The following RYR2 variants were observed in gnomAD, a reference collection of about 807,000 sequenced individuals.
The protein encoded by RYR2 is ryanodine receptor 2.
In RYR2, 227 loss-of-function variants were observed where a neutral mutation model predicts 601.1. That is an observed-to-expected ratio of 0.38 (90% CI 0.34 to 0.42). The LOEUF (loss-of-function observed/expected upper bound fraction) is 0.42. Ranked by LOEUF, RYR2 falls within the 10% of genes least tolerant of loss-of-function variation. The probability of loss-of-function intolerance (pLI) is 1.00; values close to 1 mark genes in which losing one functional copy is unlikely to be tolerated. For missense variants in RYR2, 4,646 were observed against 6,156.5 expected, an observed-to-expected ratio of 0.75 and a Z score of 8.21; for synonymous variants, 2,223 against 2,175.1, an observed-to-expected ratio of 1.02 and a Z score of -0.61.
intron 1 of RYR2, among the ~76,000 whole-genome samples, chr1:237,206,846 C>T (rs1048929244): frequency 6.6e-6 from 1 of 152,188 alleles, no homozygotes; most frequent in Non-Finnish European, 1.5e-5. Flanking sequence ...ATTGAAAAGA[C>T]TACTGATAAT....
chr1:237,442,786 A>G (rs906573632), intron 13 of RYR2, among the ~76,000 whole-genome samples: 2 of 152,098 alleles, frequency 1.3e-5, no homozygotes, highest in African/African-American at 2.4e-5. Context: ...GGTAATTCCC[A>G]TGAACTTGCA....
intron 54 of RYR2, among the ~76,000 whole-genome samples, 160 bp downstream of exon 54, chr1:237,658,182 TA>T (rs1683434026): frequency 6.6e-6 from 1 of 152,138 alleles, no homozygotes; most frequent in Admixed American, 6.5e-5. Flanking sequence ...ATATAATATT[TA>T]GCTAGCTCTA....
At chr1:237,483,820 A>C (rs572225120) in intron 17 of RYR2, among the ~76,000 whole-genome samples, 16 of 152,334 alleles carry the variant, frequency 1.1e-4, no homozygotes, top group African/African-American at 3.6e-4. Flanking sequence ...TGTCAGTGAA[A>C]TCTGGAGATA....
At chr1:237,090,583 G>T (rs977724061) in intron 1 of RYR2, among the ~76,000 whole-genome samples, 1 of 152,300 alleles carries the variant, frequency 6.6e-6, no homozygotes, top group East Asian at 1.9e-4. Flanking sequence ...AAATAAATTT[G>T]CATTGTTTTA....
intron 75 of RYR2, among the ~76,000 whole-genome samples, chr1:237,726,555 CGTT>C (rs2149139977): frequency 6.6e-6 from 1 of 152,142 alleles, no homozygotes; most frequent in African/African-American, 2.4e-5. Flanking sequence ...GTTCACAAAG[CGTT>C]GTCTTCTTCT....
chr1:237,633,209 A>G (rs995523170), intron 42 of RYR2, among the ~76,000 whole-genome samples: 1 of 152,216 alleles, frequency 6.6e-6, no homozygotes, highest in African/African-American at 2.4e-5. Flanking sequence ...TACCTAAAGC[A>G]AGTATTATTA....
In RYR2 at chr1:237,423,356, T is replaced by C. The variant is rs1705787350; in HGVS notation, c.1005+108T>C. The C allele has an allele frequency of 5.5e-6, 7 of 1,263,526 alleles. No individual in the cohort carries two copies. The South Asian group carries it at 1.0e-4, about 18-fold the overall frequency. The allele number at this position is 1,263,526 out of a possible 1,614,324, so 78.3% of individuals were successfully genotyped here. A position where few individuals can be genotyped will look rare whatever the true frequency, so the allele number is the denominator to read the frequency against. On this transcript the variant is annotated intron_variant, in intron 12 of 104. Coordinates refer to ENST00000366574, the MANE Select transcript of RYR2 (RefSeq NM_001035.3). ...GAAAATAAATGATGTAAGTATGTCT[T>C]ATGTGTATTTCTAAATTCCCAGTTT...
intron 22 of RYR2, among the ~76,000 whole-genome samples, chr1:237,505,013 C>T (rs908959892): frequency 6.6e-6 from 1 of 152,138 alleles, no homozygotes; most frequent in African/African-American, 2.4e-5. Context: ...TTTTCAATTT[C>T]TTCTCATTTC....
chr1:237,276,363 G>A lies in RYR2; in HGVS notation c.168+5747G>A, dbSNP rs1466733369. ...GGTCTGCCTGCTTTGGCCTCCCAAAGTGCTGAGATTACAAGCGTGAGCCAC... is the reference window on the plus strand; with the variant it reads ...GGTCTGCCTGCTTTGGCCTCCCAAAATGCTGAGATTACAAGCGTGAGCCAC... On this transcript the variant is annotated intron_variant, in intron 2 of 104. Transcript: ENST00000366574. Among the ~76,000 whole-genome samples, 22 of 152,176 alleles carry A rather than the reference G, an allele frequency of 1.4e-4. 1 individual carries two copies. Among genetic ancestry groups the A allele is most frequent in the Admixed American group, 1.4e-3 (22 of 15,270 alleles).
intron 1 of RYR2, among the ~76,000 whole-genome samples, chr1:237,213,922 T>TTC (rs1558437101): frequency 7.2e-6 from 1 of 138,130 alleles, no homozygotes; most frequent in Admixed American, 7.2e-5. Flanking sequence ...TTTCTTTTTT[T>TTC]TTTTTTTTTT....
intron 1 of RYR2, among the ~76,000 whole-genome samples, chr1:237,192,490 C>T (rs779492597): frequency 6.6e-6 from 1 of 152,216 alleles, no homozygotes; most frequent in Non-Finnish European, 1.5e-5. Flanking sequence ...GCCGGGATTA[C>T]AGGCATGAGC....
intron 87 of RYR2, among the ~76,000 whole-genome samples, chr1:237,774,131 G>T (rs944421850): frequency 2.0e-5 from 3 of 152,024 alleles, no homozygotes; most frequent in African/African-American, 7.2e-5. Context: ...CTTGGACTAA[G>T]CTTCTAGCCT....
intron 24 of RYR2, among the ~76,000 whole-genome samples, chr1:237,526,365 AG>A (rs1667594356): frequency 6.7e-6 from 1 of 148,484 alleles, no homozygotes; most frequent in Non-Finnish European, 1.5e-5. Flanking sequence ...TTTTTTTTTC[AG>A]GACCAGAGTC....
intron 92 of RYR2, among the ~76,000 whole-genome samples, chr1:237,789,507 A>G (rs565007028): frequency 4.0e-5 from 5 of 123,670 alleles, no homozygotes; most frequent in African/African-American, 8.0e-5. Flanking sequence ...AATGGCTTCC[A>G]TGGCTGCAGG....
At chr1:237,630,520 A>G (rs907843935) in intron 41 of RYR2, among the ~76,000 whole-genome samples, 4 of 152,168 alleles carry the variant, frequency 2.6e-5, no homozygotes, top group African/African-American at 9.6e-5. Flanking sequence ...AGTTTTGCAT[A>G]TGACTAAATG....
At chr1:237,487,672 G>A (rs1048475513) in intron 17 of RYR2, among the ~76,000 whole-genome samples, 3 of 151,574 alleles carry the variant, frequency 2.0e-5, no homozygotes, top group African/African-American at 4.9e-5. Flanking sequence ...GCTTGAGGCT[G>A]CAGTGAGCTA....
At chr1:237,216,767 A>C (rs1439393967) in intron 1 of RYR2, among the ~76,000 whole-genome samples, 1 of 150,910 alleles carries the variant, frequency 6.6e-6, no homozygotes, top group Non-Finnish European at 1.5e-5. Context: ...AAAAAAAAAC[A>C]AAAAACAAAA....
chr1:237,670,181 C>G (rs558119719), intron 58 of RYR2, among the ~76,000 whole-genome samples: 1 of 151,312 alleles, frequency 6.6e-6, no homozygotes, highest in African/African-American at 2.4e-5. Context: ...CGCAGGCACT[C>G]GGCAGGCTGA....
chr1:237,315,420 A>G (rs1163107084), intron 2 of RYR2, among the ~76,000 whole-genome samples: 2 of 152,102 alleles, frequency 1.3e-5, no homozygotes, highest in East Asian at 1.9e-4. Flanking sequence ...TATCTACATT[A>G]TTTAAATATA....
Sources: gnomAD v4.1 joint callset for allele counts (sites outside exome capture counted in the v4.1 genomes callset) on GRCh38, gnomAD v4.1.1 for gene constraint, MANE v1.5 for transcripts, NCBI Gene and HGNC (gene_info 2026-07-23, HGNC 2026-07-21) for gene names.